Variants in ATAD2B observed in about 807,000 individuals in gnomAD.
ATAD2B encodes ATPase family AAA domain containing 2B.
Under a neutral mutation model 167.6 loss-of-function variants are expected in ATAD2B, and 40 were observed. That is an observed-to-expected ratio of 0.24 (90% CI 0.19 to 0.31). ATAD2B has a LOEUF of 0.31. ATAD2B is among the 10% of genes least tolerant of loss of function. The pLI is 1.00. For synonymous variants in ATAD2B, 579 were observed against 596.5 expected (o/e 0.97, Z 0.43); for missense variants, 1,242 against 1,757.2 (o/e 0.71, Z 5.24).
At chr2:23,897,402 T>C (rs1241439519) in intron 1 of ATAD2B, among the ~76,000 whole-genome samples, 1 of 152,194 alleles carries the variant, frequency 6.6e-6, no homozygotes, top group East Asian at 1.9e-4. Context: ...TTCACCAATA[T>C]CCTGTTCCTC....
intron 19 of ATAD2B, among the ~76,000 whole-genome samples, chr2:23,794,004 A>G (rs1362563064): frequency 6.6e-6 from 1 of 152,106 alleles, no homozygotes; most frequent in Non-Finnish European, 1.5e-5. Flanking sequence ...TTTAGCGAGA[A>G]AAGTGGCACT....
chr2:23,850,955 T>C (rs1692473216), intron 13 of ATAD2B, among the ~76,000 whole-genome samples: 1 of 152,180 alleles, frequency 6.6e-6, no homozygotes, highest in Non-Finnish European at 1.5e-5. Flanking sequence ...AGAGGATTCC[T>C]GCCTTCATAA....
At chr2:23,755,467 C>T (rs1675840347) in intron 25 of ATAD2B, among the ~76,000 whole-genome samples, 1 of 152,078 alleles carries the variant, frequency 6.6e-6, no homozygotes, top group Admixed American at 6.6e-5. Flanking sequence ...CGAACCCAGG[C>T]ATTCTGAGGG....
At chr2:23,903,457 T>A (rs886075377) in intron 1 of ATAD2B, among the ~76,000 whole-genome samples, 6 of 152,140 alleles carry the variant, frequency 3.9e-5, no homozygotes, top group South Asian at 4.1e-4. Flanking sequence ...GCAACTTTTT[T>A]AATTCTAACC....
the ATAD2B span, among the ~76,000 whole-genome samples, chr2:23,727,989 G>C: frequency 3.3e-5 from 5 of 152,136 alleles, no homozygotes; most frequent in Non-Finnish European, 7.4e-5. Flanking sequence ...TGGATGCATG[G>C]TATTAAACAT....
rs1698579947 is a variant in ATAD2B, at chr2:23,885,769, T to C, written c.633A>G (p.Ser211=). ...DNINIRRNRR[S]GEVERLRMWT... The stretch of plus-strand genomic sequence containing the variant: ...ACATTCGAAGTCGTTCTACTTCTCC[T>C]GATCGACGATTCCGTCGGATGTTAA... The change falls in exon 5 of 28, where the codon TCA becomes TCG. Residue 211 remains serine (S), a synonymous_variant. Coordinates refer to ENST00000238789, the MANE Select transcript of ATAD2B (RefSeq NM_017552.4). 1.5e-5 allele frequency: 24 copies of C among 1,600,232 alleles called. No individual in the cohort carries two copies. The highest frequency in any genetic ancestry group is 2.0e-5 in the Non-Finnish European group (23 of 1,172,268).
At chr2:23,770,402 T>C (rs1269731328) in intron 22 of ATAD2B, among the ~76,000 whole-genome samples, 2 of 152,200 alleles carry the variant, frequency 1.3e-5, no homozygotes. Context: ...TCTGTATATC[T>C]TATTTGGTAA....
At chr2:23,793,289 T>C (rs1406783718) in intron 19 of ATAD2B, among the ~76,000 whole-genome samples, 1 of 152,208 alleles carries the variant, frequency 6.6e-6, no homozygotes, top group Non-Finnish European at 1.5e-5. Context: ...AATTATATAA[T>C]CTTAAACCTG....
At chr2:23,795,646 C>T (rs548381320) in intron 19 of ATAD2B, among the ~76,000 whole-genome samples, 17 of 152,090 alleles carry the variant, frequency 1.1e-4, no homozygotes, top group Admixed American at 1.0e-3. Context: ...TTTGGGAGGC[C>T]GAGGTGGGAG....
At chr2:23,907,265 CAA>C (rs1287415221) in intron 1 of ATAD2B, among the ~76,000 whole-genome samples, 1 of 152,098 alleles carries the variant, frequency 6.6e-6, no homozygotes, top group Non-Finnish European at 1.5e-5. Flanking sequence ...GCAACTTCAG[CAA>C]AGTCTCAGGA....
the ATAD2B span, among the ~76,000 whole-genome samples, chr2:23,710,932 T>C: frequency 6.6e-6 from 1 of 152,184 alleles, no homozygotes; most frequent in South Asian, 2.1e-4. Flanking sequence ...ACCGTCATAA[T>C]AACTTGCTCT....
At chr2:23,719,454 A>C in the ATAD2B span, among the ~76,000 whole-genome samples, 2 of 152,170 alleles carry the variant, frequency 1.3e-5, no homozygotes, top group African/African-American at 4.8e-5. Context: ...AGCTTGTTTC[A>C]CTTCCCCCAC....
intron 26 of ATAD2B, among the ~76,000 whole-genome samples, 154 bp downstream of exon 26, chr2:23,754,493 T>A (rs1174217144): frequency 6.6e-6 from 1 of 152,172 alleles, no homozygotes; most frequent in Admixed American, 6.5e-5. Context: ...ATCTTTCAAC[T>A]CCTTAAAATA....
chr2:23,850,768 C>T (rs1692449565), intron 13 of ATAD2B, among the ~76,000 whole-genome samples: 1 of 152,084 alleles, frequency 6.6e-6, no homozygotes, highest in South Asian at 2.1e-4. Context: ...TTGTTGAAAC[C>T]CTAAAACTGC....
the ATAD2B span, among the ~76,000 whole-genome samples, chr2:23,684,125 C>G: frequency 6.6e-6 from 1 of 152,106 alleles, no homozygotes; most frequent in Non-Finnish European, 1.5e-5. This position sits in a 1 kb window ranked among gnomAD's most constrained non-coding sequence, Gnocchi z 4.4. Context: ...CCCAACCTTT[C>G]AATTTCTGGG....
rs1447143924 is a variant in ATAD2B at position 23,867,890 on chromosome 2, C to T, written c.1133G>A (p.Arg378Gln). 3 of 1,613,848 alleles carry T rather than the reference C, an allele frequency of 1.9e-6. No individual in the cohort carries two copies. Among genetic ancestry groups the T allele is most frequent in the Middle Eastern group, 1.6e-4 (1 of 6,062 alleles). Reference protein sequence around the residue: ...EDLASGILRERVKVGASLADV... With the variant: ...EDLASGILREQVKVGASLADV... ...AGCCAAGCTTGCACCCACTTTCACT[C>T]GTTCTCGGAGAATACCGCTAGCTAA... Residue 378 changes from arginine to glutamine, a missense_variant, in exon 10 of 28, where the codon CGA becomes CAA. Coordinates refer to ENST00000238789, the MANE Select transcript of ATAD2B (RefSeq NM_017552.4).
intron 18 of ATAD2B, among the ~76,000 whole-genome samples, chr2:23,805,825 T>C (rs1305135986): frequency 2.0e-5 from 3 of 149,442 alleles, no homozygotes; most frequent in East Asian, 3.9e-4. Flanking sequence ...TGATACTTTA[T>C]TTTCACTTAA....
chr2:23,785,887 T>C, intron 21 of ATAD2B, 140 bp downstream of exon 21: 1 of 708,046 alleles, frequency 1.4e-6, no homozygotes, highest in Non-Finnish European at 2.2e-6. Context: ...CATCGGTAGT[T>C]ATCACATGGA....
chr2:23,918,951 A>C (rs1009102397), intron 1 of ATAD2B, among the ~76,000 whole-genome samples: 1 of 152,256 alleles, frequency 6.6e-6, no homozygotes, highest in Non-Finnish European at 1.5e-5. Flanking sequence ...TGAATGAGAC[A>C]GCATTAAACA....
Sources: allele counts gnomAD v4.1 joint callset (sites outside exome capture counted in the v4.1 genomes callset), GRCh38; gene constraint gnomAD v4.1.1; non-coding constraint Gnocchi (gnomAD v3.1); transcripts MANE v1.5; gene names NCBI Gene and HGNC (gene_info 2026-07-23, HGNC 2026-07-21).